The following TMEM238L variants were observed in gnomAD, a reference collection of about 807,000 sequenced individuals.
TMEM238L encodes transmembrane protein 238-like.
intron 1 of TMEM238L, among the ~76,000 whole-genome samples, chr17:10,802,979 G>A (rs959176768): frequency 4.6e-5 from 7 of 152,300 alleles, no homozygotes; most frequent in East Asian, 1.9e-4. Flanking sequence ...TGTTGGCTGC[G>A]TGTGAGTGTG....
chr17:10,799,153 C>T (rs1904653195), intron 1 of TMEM238L, among the ~76,000 whole-genome samples: 1 of 152,202 alleles, frequency 6.6e-6, no homozygotes, highest in Non-Finnish European at 1.5e-5. Context: ...GGGACCTCCT[C>T]ATCTCTGGGG....
At chr17:10,799,712 C>A (rs1904674097) in intron 1 of TMEM238L, among the ~76,000 whole-genome samples, 2 of 152,184 alleles carry the variant, frequency 1.3e-5, no homozygotes, top group Non-Finnish European at 2.9e-5. Flanking sequence ...AGCTGCTTTT[C>A]AAATATTTTT....
exon 1 of TMEM238L, chr17:10,803,886 G>A (rs909967813): frequency 4.3e-5 from 17 of 399,670 alleles, no homozygotes; most frequent in East Asian, 1.4e-4. Flanking sequence ...GGCCGACCGC[G>A]TCCAGCAGGA....
chr17:10,803,293 C>T (rs1170538603), intron 1 of TMEM238L, among the ~76,000 whole-genome samples: 1 of 152,148 alleles, frequency 6.6e-6, no homozygotes, highest in African/African-American at 2.4e-5. Context: ...CTTTTTGTCC[C>T]CAAGTTCCGA....
chr17:10,797,952 T>G (rs916812358), intron 1 of TMEM238L: 9 of 152,112 alleles, frequency 5.9e-5, no homozygotes, highest in Admixed American at 2.0e-4. Context: ...GACTCCTCCC[T>G]CCTCTCCTAG....
At chr17:10,802,254 G>C (rs899180556) in intron 1 of TMEM238L, 1 of 152,192 alleles carries the variant, frequency 6.6e-6, no homozygotes, top group African/African-American at 2.4e-5. Flanking sequence ...TTTGGACTTT[G>C]GGTCAGTTAA....
At position 10,795,964 on chromosome 17, in the gene TMEM238L, G is replaced by A. The variant is rs1904528376; in HGVS notation, c.*119-16C>T. On this transcript the variant is annotated splice_polypyrimidine_tract_variant and intron_variant, in intron 1 of 1. Transcript: ENST00000581851. ...CAGATGGGACCTGTGTTGAACAAAGGAAGATAAAATGGATCAGCCCCCAAC... is the reference window on the plus strand; with the variant it reads ...CAGATGGGACCTGTGTTGAACAAAGAAAGATAAAATGGATCAGCCCCCAAC... 1 of 152,214 alleles carries A rather than the reference G, an allele frequency of 6.6e-6. No homozygotes were observed. 9.4% of individuals were successfully genotyped at this position (152,214 alleles called of 1,614,324 possible). A position where few individuals can be genotyped will look rare whatever the true frequency, so the allele number is the denominator to read the frequency against.
chr17:10,803,349 G>A (rs942529672), intron 1 of TMEM238L, among the ~76,000 whole-genome samples: 5 of 152,150 alleles, frequency 3.3e-5, no homozygotes, highest in East Asian at 1.9e-4. Flanking sequence ...AGGATCATTC[G>A]TGGTATATCA....
At chr17:10,801,783 CTTT>C (rs57292520) in intron 1 of TMEM238L, among the ~76,000 whole-genome samples, 1 of 144,110 alleles carries the variant, frequency 6.9e-6, no homozygotes. Flanking sequence ...CGTCATGTGT[CTTT>C]TTTTTTTTTT....
rs974773063 is a variant in TMEM238L at position 10,799,387 on chromosome 17, G to A, written c.*119-3439C>T. On this transcript the variant is annotated intron_variant, in intron 1 of 1. Coordinates refer to ENST00000581851, the Ensembl canonical transcript of TMEM238L. ...TATTTTTTGTATTTTTAGTAGAGAC[G>A]GGGTTTCACTATGTTGGCCAGGCTG... 3.9e-5 allele frequency among the ~76,000 whole-genome samples: 6 copies of A among 152,062 alleles called. No individual in the cohort carries two copies. The East Asian group carries it at 5.8e-4, about 15-fold the overall frequency.
At chr17:10,795,777 G>A (rs1257265122) in exon 2 of TMEM238L, 1 of 152,274 alleles carries the variant, frequency 6.6e-6, no homozygotes, top group Non-Finnish European at 1.5e-5. Flanking sequence ...CTGGGCTTGT[G>A]ATGGAGTCTG....
chr17:10,803,675 C>T (rs1277038127), exon 1 of TMEM238L: 1 of 398,414 alleles, frequency 2.5e-6, no homozygotes, highest in African/African-American at 2.1e-5. Context: ...GGTTCACAGA[C>T]ATGTCTGCAT....
intron 1 of TMEM238L, among the ~76,000 whole-genome samples, chr17:10,801,303 G>T (rs926705798): frequency 3.9e-5 from 6 of 152,148 alleles, no homozygotes; most frequent in Non-Finnish European, 8.8e-5. Context: ...CTCCCAAAGT[G>T]CTGGGATTAC....
rs557578955 is a variant in TMEM238L at position 10,801,239 on chromosome 17, A to G, written c.*118+2367T>C. 1.1e-4 allele frequency among the ~76,000 whole-genome samples: 16 copies of G among 152,090 alleles called. 2 individuals are homozygous for G. In the South Asian group the frequency reaches 3.1e-3, roughly 30 times the overall value. The stretch of plus-strand genomic sequence containing the variant: ...CTAATTTTTTGTATTTTTAGTAGAG[A>G]CAGGGTTTCACTGTGGTCTCGATCT... On this transcript the variant is annotated intron_variant, in intron 1 of 1. Coordinates refer to ENST00000581851, the Ensembl canonical transcript of TMEM238L.
intron 1 of TMEM238L, among the ~76,000 whole-genome samples, 165 bp from the exon 2 acceptor site, chr17:10,796,113 C>A (rs963534301): frequency 6.6e-6 from 1 of 152,200 alleles, no homozygotes; most frequent in African/African-American, 2.4e-5. Context: ...AGCCCTGAAA[C>A]CACATGAGAC....
At chr17:10,799,232 C>T (rs1370763447) in intron 1 of TMEM238L, among the ~76,000 whole-genome samples, 1 of 152,226 alleles carries the variant, frequency 6.6e-6, no homozygotes, top group Admixed American at 6.5e-5. Flanking sequence ...GAGTCTTGCT[C>T]TGCCGCCCAG....
chr17:10,797,403 C>T lies in TMEM238L; in HGVS notation c.*119-1455G>A, dbSNP rs147017585. Among the ~76,000 whole-genome samples the T allele has an allele frequency of 5.8e-5, 5 of 86,948 alleles. No homozygotes were observed. In the South Asian group the frequency reaches 2.2e-3, roughly 39 times the overall value. 57.0% of individuals were successfully genotyped at this position (86,948 alleles called of 152,430 possible). On this transcript the variant is annotated intron_variant, in intron 1 of 1. Transcript: ENST00000581851. The stretch of plus-strand genomic sequence containing the variant: ...TCCTTCCCTCCCTCCCTCCCTCCCT[C>T]CCTTCCTTCCTTCCTTCCTTCCTCA...
At chr17:10,798,916 A>T (rs1050830703) in intron 1 of TMEM238L, among the ~76,000 whole-genome samples, 9 of 150,968 alleles carry the variant, frequency 6.0e-5, no homozygotes, top group Non-Finnish European at 1.3e-4. Flanking sequence ...TGGAAAATGG[A>T]GCAAAAAAAA....
intron 1 of TMEM238L, among the ~76,000 whole-genome samples, chr17:10,799,363 A>G (rs1195287145): frequency 2.0e-5 from 3 of 151,968 alleles, no homozygotes; most frequent in African/African-American, 7.3e-5. Flanking sequence ...ATGCCTGGCT[A>G]TTTTTTGTAT....
Sources: allele counts gnomAD v4.1 joint callset (sites outside exome capture counted in the v4.1 genomes callset), GRCh38; gene constraint gnomAD v4.1.1; transcripts MANE v1.5; gene names NCBI Gene and HGNC (gene_info 2026-07-23, HGNC 2026-07-21).